The following MARF1 variants were observed in gnomAD, a reference collection of about 807,000 sequenced individuals.
MARF1 encodes the protein limkain-b1.
In MARF1, 24 loss-of-function variants were observed where a neutral mutation model predicts 168.2. That is an observed-to-expected ratio of 0.14 (90% confidence interval 0.10 to 0.20). MARF1 has a LOEUF of 0.20. MARF1 is among the 10% of genes least tolerant of loss of function. The pLI is 1.00. For synonymous variants in MARF1, 868 were observed against 822.4 expected (o/e 1.06, Z -0.95); for missense variants, 1,744 against 2,143.6 (o/e 0.81, Z 3.68).
intron 7 of MARF1, 114 bp from the exon 8 acceptor site, chr16:15,625,914 T>TG: frequency 1.3e-6 from 1 of 759,834 alleles, no homozygotes; most frequent in East Asian, 2.5e-5. Context: ...GAAGAGAAGA[T>TG]GACAGTGATT....
chr16:15,608,282 A>C lies in MARF1; in HGVS notation c.4182+9T>G, dbSNP rs1180467936. ...AGGGAAAAAAAAAAAAAAAAAAAAA[A>C]ACATTTACCTTCACGACATGGCAGA... On this transcript the variant is annotated intron_variant, in intron 21 of 26. Transcript: ENST00000396368. 1.4e-6 allele frequency: 2 copies of C among 1,465,108 alleles called. No individual in the cohort carries two copies. Among genetic ancestry groups the C allele is most frequent in the Non-Finnish European group, 1.9e-6 (2 of 1,074,548 alleles). 90.8% of individuals were successfully genotyped at this position (1,465,108 alleles called of 1,614,324 possible). A position where few individuals can be genotyped will look rare whatever the true frequency, so the allele number is the denominator to read the frequency against.
Position 15,633,723 on chromosome 16 carries a change from C to G in MARF1, c.1127G>C (p.Arg376Thr). Residue 376 changes from arginine to threonine, a missense_variant, in exon 5 of 27, where the codon AGA becomes ACA. Around this residue, in one of 7 missense-constraint regions of MARF1, gnomAD observed 217 missense variants for 372.4 expected, o/e 0.58. Coordinates refer to ENST00000396368, the MANE Select transcript of MARF1 (RefSeq NM_014647.4). ...SGRSATAVVQ[R>T]IREKFFKGHR... ...GCCTTTAAAAAACTTCTCACGGATT[C>G]TTTGCACAACAGCAGTTGCTGACCG... 6.2e-7 allele frequency: 1 copy of G among 1,614,002 alleles called. No individual in the cohort carries two copies. Among genetic ancestry groups the G allele is most frequent in the Non-Finnish European group, 8.5e-7 (1 of 1,180,014 alleles).
intron 1 of MARF1, among the ~76,000 whole-genome samples, chr16:15,640,772 C>G (rs1357460708): frequency 1.3e-5 from 2 of 152,222 alleles, no homozygotes; most frequent in Non-Finnish European, 2.9e-5. Flanking sequence ...CACAGACACA[C>G]TCATTCACTT....
At position 15,611,596 on chromosome 16, in the gene MARF1, G is replaced by T. The variant is rs1283209542; in HGVS notation, c.3613C>A (p.His1205Asn). Residue 1205 changes from histidine to asparagine, a missense_variant, in exon 18 of 27, where the codon CAC becomes AAC. Coordinates refer to ENST00000396368, the MANE Select transcript of MARF1 (RefSeq NM_014647.4). ...VIVREFSQAY[H>N]WCFSKDWDVT... The stretch of plus-strand genomic sequence containing the variant: ...CTGTTCTTTTCATCAACTCACCAGT[G>T]ATAAGCCTGTGAGAATTCTCTCACA... 1 of 1,613,632 alleles carries T rather than the reference G, an allele frequency of 6.2e-7. No individual in the cohort carries two copies. Among genetic ancestry groups the T allele is most frequent in the Non-Finnish European group, 8.5e-7 (1 of 1,179,866 alleles).
intron 7 of MARF1, among the ~76,000 whole-genome samples, chr16:15,627,117 C>T (rs2034918010): frequency 1.3e-5 from 2 of 151,562 alleles, no homozygotes; most frequent in African/African-American, 4.8e-5. Flanking sequence ...TTTGGGAGGC[C>T]GAGGCGGGGG....
intron 17 of MARF1, 73 bp from the exon 18 acceptor site, chr16:15,611,807 T>A: frequency 1.5e-6 from 2 of 1,299,572 alleles, no homozygotes; most frequent in Non-Finnish European, 2.2e-6. Flanking sequence ...TGGCTCACCC[T>A]CTCGTTACTA....
chr16:15,611,459 AAAAAAAC>A, intron 18 of MARF1, 126 bp downstream of exon 18: 5 of 840,870 alleles, frequency 5.9e-6, no homozygotes, highest in South Asian at 2.1e-5. Context: ...AAAAAAAAAA[AAAAAAAC>A]AAAAAACTAC....
chr16:15,598,203 G>A (rs2031959908), intron 26 of MARF1, among the ~76,000 whole-genome samples: 1 of 152,182 alleles, frequency 6.6e-6, no homozygotes, highest in African/African-American at 2.4e-5. Flanking sequence ...CAGCAGCCCG[G>A]GGCCACTGCC....
At chr16:15,610,108 T>G (rs1035643747) in intron 19 of MARF1, among the ~76,000 whole-genome samples, 11 of 152,338 alleles carry the variant, frequency 7.2e-5, no homozygotes, top group Middle Eastern at 6.8e-3. Flanking sequence ...ATCACGCTTC[T>G]GAATATCCCC....
In MARF1 at chr16:15,634,882, G is replaced by T; in HGVS notation, c.881C>A (p.Pro294Gln). 6.2e-7 allele frequency: 1 copy of T among 1,613,870 alleles called. No individual in the cohort carries two copies. The highest frequency in any genetic ancestry group is 1.3e-5 in the African/African-American group (1 of 75,008). ...IDAAKVWPNIPPPNTQPAPLA... is the reference protein window; with the variant it reads ...IDAAKVWPNIQPPNTQPAPLA... Reference sequence around the variant, plus strand: ...AGGTGCAGGTTGAGTATTTGGAGGTGGTATATTTGGCCAGACTTTAGCCGC... The same window carrying T: ...AGGTGCAGGTTGAGTATTTGGAGGTTGTATATTTGGCCAGACTTTAGCCGC... Residue 294 changes from proline (P) to glutamine (Q), a missense_variant, in exon 4 of 27, where the codon CCA becomes CAA. Pro to Gln is a moderately conservative substitution (Grantham distance 76). This residue lies in a region of MARF1 where 217 missense variants were observed against 372.4 expected (regional missense o/e 0.58). Transcript: ENST00000396368.
chr16:15,621,446 T>A (rs911354565), intron 12 of MARF1: 2 of 397,698 alleles, frequency 5.0e-6, no homozygotes, highest in African/African-American at 4.2e-5. Context: ...TTCAGGCTTA[T>A]AAACTTTTAT....
intron 2 of MARF1, among the ~76,000 whole-genome samples, chr16:15,636,922 C>G (rs2035636592): frequency 6.6e-6 from 1 of 152,074 alleles, no homozygotes; most frequent in Admixed American, 6.5e-5. Context: ...GACCTAAAGC[C>G]ATAATGACAA....
chr16:15,600,885 T>C, intron 23 of MARF1, 184 bp from the exon 24 acceptor site: 1 of 720,346 alleles, frequency 1.4e-6, no homozygotes, highest in Non-Finnish European at 2.5e-6. Context: ...GACAGAAACA[T>C]ACCCCTATAA....
chr16:15,632,879 C>G (rs1391202742), intron 5 of MARF1, among the ~76,000 whole-genome samples: 3 of 152,192 alleles, frequency 2.0e-5, no homozygotes, highest in East Asian at 3.9e-4. Context: ...GCCAAGTGAT[C>G]TTAAACAAGT....
intron 7 of MARF1, among the ~76,000 whole-genome samples, chr16:15,627,081 G>C (rs547557297): frequency 1.3e-5 from 2 of 152,156 alleles, no homozygotes; most frequent in African/African-American, 4.8e-5. Context: ...GCCAGGCATG[G>C]TGGCTCATGC....
intron 25 of MARF1, 189 bp from the exon 26 acceptor site, chr16:15,599,213 A>G (rs1429504949): frequency 1.6e-6 from 1 of 624,098 alleles, no homozygotes; most frequent in African/African-American, 1.8e-5. Flanking sequence ...GATCCTGGTA[A>G]TGGAACGCCT....
At position 15,640,630 on chromosome 16, in the gene MARF1, A is replaced by C. The variant is rs537504610; in HGVS notation, c.-58-1339T>G. 1.2e-4 allele frequency among the ~76,000 whole-genome samples: 18 copies of C among 152,368 alleles called. No individual in the cohort carries two copies. In the East Asian group the frequency reaches 3.5e-3, roughly 29 times the overall value. On this transcript the variant is annotated intron_variant, in intron 1 of 26. Coordinates refer to ENST00000396368, the MANE Select transcript of MARF1 (RefSeq NM_014647.4). ...AGAATCACCTAAGACTGCGTAGTCA[A>C]GGCTGCAGTGAGCTGTGATTGCACC...
chr16:15,630,591 A>AG, intron 6 of MARF1, 87 bp from the exon 7 acceptor site: 1 of 1,230,482 alleles, frequency 8.1e-7, no homozygotes, highest in Non-Finnish European at 1.1e-6. Context: ...CCCACTGAGA[A>AG]GAAAGGAAAG....
At chr16:15,633,273 C>T (rs531131663) in intron 5 of MARF1, among the ~76,000 whole-genome samples, 1 of 151,914 alleles carries the variant, frequency 6.6e-6, no homozygotes, top group South Asian at 2.1e-4. Flanking sequence ...CAAGCCTCCA[C>T]CACCTAACCC....
Sources: allele counts gnomAD v4.1 joint callset (sites outside exome capture counted in the v4.1 genomes callset), GRCh38; gene constraint gnomAD v4.1.1; regional missense constraint gnomAD v4.1.1; transcripts MANE v1.5; gene names NCBI Gene and HGNC (gene_info 2026-07-23, HGNC 2026-07-21).